Variants in SNTG1 observed in about 807,000 individuals in gnomAD.
SNTG1 encodes syntrophin gamma 1.
SNTG1 carries 39 observed loss-of-function variants against 74.7 expected under a neutral mutation model. That is an observed-to-expected ratio of 0.52 (90% CI 0.40 to 0.68). SNTG1 has a LOEUF of 0.68. Ranked by LOEUF, SNTG1 falls within the 30% of genes least tolerant of loss-of-function variation. The probability of loss-of-function intolerance (pLI) is 0.00; values close to 1 mark genes in which losing one functional copy is unlikely to be tolerated. For synonymous variants in SNTG1, 254 were observed against 217.1 expected (o/e 1.17, Z -1.49); for missense variants, 685 against 609.5 (o/e 1.12, Z -1.30).
intron 1 of SNTG1, among the ~76,000 whole-genome samples, chr8:49,987,977 C>A (rs1366650247): frequency 1.3e-5 from 2 of 152,072 alleles, no homozygotes; most frequent in East Asian, 1.9e-4. Flanking sequence ...ATTACCTTTG[C>A]ACGAACCTAA....
At chr8:50,266,061 T>C (rs1446649556) in intron 2 of SNTG1, among the ~76,000 whole-genome samples, 1 of 151,852 alleles carries the variant, frequency 6.6e-6, no homozygotes, top group African/African-American at 2.4e-5. Flanking sequence ...CTAGCTTTTT[T>C]TTTTTGCAGG....
chr8:50,358,466 T>A (rs912674142), intron 2 of SNTG1, among the ~76,000 whole-genome samples: 2 of 152,100 alleles, frequency 1.3e-5, no homozygotes, highest in African/African-American at 4.8e-5. Context: ...AAGGAGAAAA[T>A]CACATAAAGT....
chr8:50,600,385 A>G (rs564828298), intron 13 of SNTG1, among the ~76,000 whole-genome samples: 1 of 152,044 alleles, frequency 6.6e-6, no homozygotes, highest in South Asian at 2.1e-4. Context: ...AGTTCTTTAA[A>G]TGTTTGATAG....
intron 15 of SNTG1, among the ~76,000 whole-genome samples, chr8:50,664,253 C>T (rs555038363): frequency 1.3e-5 from 2 of 152,264 alleles, no homozygotes; most frequent in East Asian, 3.9e-4. Context: ...CCTCTGGTGC[C>T]TGCCAACAGG....
intron 15 of SNTG1, among the ~76,000 whole-genome samples, chr8:50,659,482 A>G (rs1455514794): frequency 6.6e-6 from 1 of 152,156 alleles, no homozygotes; most frequent in African/African-American, 2.4e-5. Context: ...GAGTAGAAAA[A>G]TGCTGAAACA....
intron 2 of SNTG1, among the ~76,000 whole-genome samples, chr8:50,339,329 GGGTCAGTAACTTATGTATACATTAAAAAA>G (rs1297051748): frequency 5.9e-5 from 9 of 151,766 alleles, no homozygotes; most frequent in Non-Finnish European, 1.3e-4. Flanking sequence ...AAAATGATAT[GGGTCAGTAACTTATGTATACATTAAAAAA>G]GAGAATTAAA....
rs543952430 is a variant in SNTG1 at position 50,143,074 on chromosome 8, A to AAAATAAAT, written c.-102-29467_-102-29460dup. The stretch of plus-strand genomic sequence containing the variant: ...GGGGGCCAGAGCAAGACTCCATCTC[A>AAAATAAAT]AAATAAATAAATAAATAAATAAATA... On this transcript the variant is annotated intron_variant, in intron 1 of 18. Coordinates refer to ENST00000642720, the MANE Select transcript of SNTG1 (RefSeq NM_018967.5). Among the ~76,000 whole-genome samples the AAAATAAAT allele has an allele frequency of 6.6e-5, 10 of 151,970 alleles. No homozygotes were observed. In the South Asian group the frequency reaches 1.9e-3, roughly 28 times the overall value.
At chr8:50,112,637 C>G (rs2080643885) in intron 1 of SNTG1, among the ~76,000 whole-genome samples, 1 of 150,324 alleles carries the variant, frequency 6.7e-6, no homozygotes, top group Non-Finnish European at 1.5e-5. Context: ...AGTCTTCTGC[C>G]TCAGGCTTCC....
chr8:50,490,189 C>A (rs187404118), intron 8 of SNTG1, among the ~76,000 whole-genome samples: 3 of 152,058 alleles, frequency 2.0e-5, no homozygotes, highest in African/African-American at 7.2e-5. Flanking sequence ...TACTATAGTT[C>A]GAAATCAAGT....
intron 2 of SNTG1, among the ~76,000 whole-genome samples, chr8:50,241,494 A>G (rs2086161616): frequency 6.6e-6 from 1 of 152,182 alleles, no homozygotes; most frequent in Non-Finnish European, 1.5e-5. Context: ...GAAGCTATGC[A>G]ATATTTCTAT....
At chr8:50,782,400 G>A (rs2095662239) in intron 18 of SNTG1, among the ~76,000 whole-genome samples, 1 of 152,124 alleles carries the variant, frequency 6.6e-6, no homozygotes, top group Admixed American at 6.5e-5. Flanking sequence ...AGCTTTGTTA[G>A]TTTCTTTTTA....
At chr8:49,910,004 C>A (rs1805500967), upstream of SNTG1, 1 of 152,340 alleles carries the variant, frequency 6.6e-6, no homozygotes, top group Non-Finnish European at 1.5e-5. Context: ...ACTGGCTGTG[C>A]CGCCTCCTCG....
chr8:50,180,419 T>C (rs927439150), intron 2 of SNTG1, among the ~76,000 whole-genome samples: 1 of 152,176 alleles, frequency 6.6e-6, no homozygotes, highest in Non-Finnish European at 1.5e-5. Flanking sequence ...GAGTAGACTT[T>C]AGGTGTGCTT....
intron 1 of SNTG1, among the ~76,000 whole-genome samples, chr8:50,001,859 A>G (rs1814769011): frequency 6.6e-6 from 1 of 152,170 alleles, no homozygotes; most frequent in African/African-American, 2.4e-5. Context: ...TATTTGATTT[A>G]TACAACCTTC....
chr8:50,625,579 T>A (rs1311793905), intron 13 of SNTG1, among the ~76,000 whole-genome samples: 1 of 152,212 alleles, frequency 6.6e-6, no homozygotes, highest in East Asian at 1.9e-4. Context: ...CATTGTCAGT[T>A]ACTTTTGTTT....
intron 1 of SNTG1, among the ~76,000 whole-genome samples, chr8:49,932,606 A>G (rs1347406655): frequency 6.6e-6 from 1 of 151,942 alleles, no homozygotes; most frequent in Non-Finnish European, 1.5e-5. Context: ...TGTTTTTTTA[A>G]AATACATTGA....
At chr8:50,246,317 TA>T in intron 2 of SNTG1, among the ~76,000 whole-genome samples, 1 of 151,994 alleles carries the variant, frequency 6.6e-6, no homozygotes, top group South Asian at 2.1e-4. Flanking sequence ...AAAATGGAAT[TA>T]AAAGACAACA....
At chr8:50,095,337 T>C (rs1168306715) in intron 1 of SNTG1, among the ~76,000 whole-genome samples, 1 of 152,090 alleles carries the variant, frequency 6.6e-6, no homozygotes, top group Non-Finnish European at 1.5e-5. Context: ...AAAAGAAATC[T>C]AGTAGTTTAA....
intron 1 of SNTG1, among the ~76,000 whole-genome samples, chr8:50,069,144 T>C (rs1183384415): frequency 6.6e-6 from 1 of 152,172 alleles, no homozygotes; most frequent in African/African-American, 2.4e-5. Context: ...GGAAAATGTA[T>C]ATAAATTAAG....
Sources: gnomAD v4.1 joint callset for allele counts (sites outside exome capture counted in the v4.1 genomes callset) on GRCh38, gnomAD v4.1.1 for gene constraint, MANE v1.5 for transcripts, NCBI Gene and HGNC (gene_info 2026-07-23, HGNC 2026-07-21) for gene names.